Variants in FOXP2 observed in about 807,000 individuals in gnomAD.
FOXP2 encodes the protein forkhead box P2.
In FOXP2, 12 loss-of-function variants were observed where a neutral mutation model predicts 115.8. The ratio of observed to expected loss-of-function variants is 0.10; its 90% CI spans 0.07 to 0.17. The LOEUF (loss-of-function observed/expected upper bound fraction) is 0.17. Ranked by LOEUF, FOXP2 falls within the 10% of genes least tolerant of loss-of-function variation. The pLI is 1.00. For missense variants in FOXP2, 629 were observed against 843.5 expected, an observed-to-expected ratio of 0.75 and a Z score of 3.15; for synonymous variants, 328 against 297.7, an observed-to-expected ratio of 1.10 and a Z score of -1.05.
intron 2 of FOXP2, among the ~76,000 whole-genome samples, chr7:114,330,693 A>G (rs1158065544): frequency 1.3e-5 from 2 of 152,026 alleles, no homozygotes; most frequent in Admixed American, 1.3e-4. Context: ...AAACTATCAG[A>G]AGTCCCCTAA....
upstream of FOXP2, among the ~76,000 whole-genome samples, chr7:114,160,053 T>C (rs1398384652): frequency 6.6e-6 from 1 of 152,192 alleles, no homozygotes; most frequent in African/African-American, 2.4e-5. Flanking sequence ...GGGGCAGGAC[T>C]TTCCGGGGAT....
intron 1 of FOXP2, among the ~76,000 whole-genome samples, chr7:114,103,139 T>C (rs1167953733): frequency 6.6e-6 from 1 of 152,080 alleles, no homozygotes; most frequent in African/African-American, 2.4e-5. Flanking sequence ...AACAGAGTCA[T>C]GAAGCTTCAG....
At position 114,353,912 on chromosome 7, in the gene FOXP2, C is replaced by T. The variant is rs1584660238; in HGVS notation, c.-11+65803C>T. Among the ~76,000 whole-genome samples the T allele has an allele frequency of 2.6e-5, 4 of 152,156 alleles. No homozygotes were observed. In the Middle Eastern group the frequency reaches 0.01, roughly 388 times the overall value. ...TCTGCATTCTATATCAACTTTGACT[C>T]CTATGATGGTTAATCTTATGTGTCA... On this transcript the variant is annotated intron_variant, in intron 2 of 17. Coordinates refer to the FOXP2 transcript ENST00000634411.
chr7:114,527,481 C>T (rs756089752), intron 2 of FOXP2, among the ~76,000 whole-genome samples: 18 of 152,052 alleles, frequency 1.2e-4, no homozygotes, highest in Non-Finnish European at 2.5e-4. Context: ...GGGGTCTTGA[C>T]TCTTCCTCTC....
At chr7:114,101,896 A>AT (rs200056748) in intron 1 of FOXP2, among the ~76,000 whole-genome samples, 1 of 94,188 alleles carries the variant, frequency 1.1e-5, no homozygotes, top group African/African-American at 3.9e-5. Context: ...TCGCTTCAAC[A>AT]TTTTGTGTGT....
chr7:114,329,233 T>C (rs566355332), intron 2 of FOXP2, among the ~76,000 whole-genome samples: 1 of 152,114 alleles, frequency 6.6e-6, no homozygotes, highest in Admixed American at 6.6e-5. Flanking sequence ...AATTGTGTTA[T>C]CTGGCCAGGC....
intron 2 of FOXP2, among the ~76,000 whole-genome samples, chr7:114,523,533 T>C (rs144048896): frequency 3.1e-4 from 47 of 152,296 alleles, no homozygotes; most frequent in African/African-American, 1.1e-3. Context: ...AATCTTTGTC[T>C]TGGGGTTTCT....
chr7:114,541,944 T>C (rs1287467913), intron 3 of FOXP2, among the ~76,000 whole-genome samples: 2 of 152,022 alleles, frequency 1.3e-5, no homozygotes, highest in African/African-American at 4.8e-5. Context: ...TATCTTAAGA[T>C]GTTTGGAAGT....
chr7:114,394,998 G>GA (rs34536024), intron 2 of FOXP2, among the ~76,000 whole-genome samples: 59,938 of 151,866 alleles, frequency 0.39, 12,817 homozygotes, highest in African/African-American at 0.52. Context: ...GGTGATGCAG[G>GA]AAAAAATTCT....
intron 1 of FOXP2, among the ~76,000 whole-genome samples, chr7:114,268,432 GATTA>G (rs1795952562): frequency 6.6e-6 from 1 of 152,076 alleles, no homozygotes; most frequent in Admixed American, 6.5e-5. Context: ...TACAAACTCA[GATTA>G]AGTACAAAAA....
At chr7:114,509,559 T>C (rs912997219) in intron 2 of FOXP2, among the ~76,000 whole-genome samples, 2 of 151,850 alleles carry the variant, frequency 1.3e-5, no homozygotes, top group Non-Finnish European at 2.9e-5. Context: ...GATGTGAGTA[T>C]GTCGGAGATA....
intron 3 of FOXP2, among the ~76,000 whole-genome samples, chr7:114,560,355 C>T (rs1800702249): frequency 6.6e-6 from 1 of 152,106 alleles, no homozygotes; most frequent in Non-Finnish European, 1.5e-5. Flanking sequence ...CCTGTAATCC[C>T]AGCACTTTGG....
chr7:114,160,183 G>C (rs1459370979), upstream of FOXP2, among the ~76,000 whole-genome samples: 1 of 152,086 alleles, frequency 6.6e-6, no homozygotes, highest in Non-Finnish European at 1.5e-5. Context: ...TTGAGGAAAG[G>C]GGGCTTTGAT....
chr7:114,378,465 C>G (rs1792195420), intron 2 of FOXP2, among the ~76,000 whole-genome samples: 1 of 151,806 alleles, frequency 6.6e-6, no homozygotes, highest in African/African-American at 2.4e-5. Flanking sequence ...AGAAGGATTT[C>G]TTGAGCCTGG....
At chr7:114,161,656 A>G (rs913926845), upstream of FOXP2, among the ~76,000 whole-genome samples, 5 of 151,928 alleles carry the variant, frequency 3.3e-5, no homozygotes, top group African/African-American at 1.2e-4. Context: ...GTGTGCGTGT[A>G]TATATATAAT....
At chr7:114,494,602 A>G (rs1236121941) in intron 2 of FOXP2, among the ~76,000 whole-genome samples, 1 of 152,194 alleles carries the variant, frequency 6.6e-6, no homozygotes, top group Non-Finnish European at 1.5e-5. Context: ...ACTAGAAAGA[A>G]GGTGATAATA....
chr7:114,318,781 G>A (rs991522492), intron 2 of FOXP2, among the ~76,000 whole-genome samples: 2 of 151,700 alleles, frequency 1.3e-5, no homozygotes, highest in Admixed American at 1.3e-4. Flanking sequence ...GCAGATCAGA[G>A]CTACTCATAC....
intron 1 of FOXP2, among the ~76,000 whole-genome samples, chr7:114,140,105 T>A (rs1440488648): frequency 6.6e-6 from 1 of 152,020 alleles, no homozygotes; most frequent in Non-Finnish European, 1.5e-5. Context: ...AAAGTGCGAC[T>A]GTGTTTCAAA....
chr7:114,348,909 T>G (rs1791411214), intron 2 of FOXP2, among the ~76,000 whole-genome samples: 1 of 152,044 alleles, frequency 6.6e-6, no homozygotes, highest in East Asian at 1.9e-4. Flanking sequence ...CCTTGCCTCG[T>G]TTTTTTCTCA....
Sources: gnomAD v4.1 joint callset for allele counts (sites outside exome capture counted in the v4.1 genomes callset) on GRCh38, gnomAD v4.1.1 for gene constraint, MANE v1.5 for transcripts, NCBI Gene and HGNC (gene_info 2026-07-23, HGNC 2026-07-21) for gene names.